Variants in ZNF624 observed in about 807,000 individuals in gnomAD.
ZNF624 encodes the protein zinc finger protein 624.
In ZNF624, 43 loss-of-function variants were observed where a neutral mutation model predicts 74.7. The ratio of observed to expected loss-of-function variants is 0.58; its 90% CI spans 0.45 to 0.74. ZNF624 has a LOEUF of 0.74. Among genes scored for constraint, ZNF624 ranks in the 30% least tolerant of loss-of-function variants. The pLI, the probability that ZNF624 is intolerant of heterozygous loss-of-function variation, is 0.00. For synonymous variants in ZNF624, 331 were observed against 341.3 expected (o/e 0.97, Z 0.33); for missense variants, 820 against 1,030.0 (o/e 0.80, Z 2.79).
At chr17:16,619,861 C>G (rs1297531957), downstream of ZNF624, among the ~76,000 whole-genome samples, 1 of 152,198 alleles carries the variant, frequency 6.6e-6, no homozygotes, top group Non-Finnish European at 1.5e-5. Context: ...AATGGAGGGA[C>G]CAACAAAGTT....
intron 3 of ZNF624, among the ~76,000 whole-genome samples, chr17:16,643,324 C>T (rs1251958929): frequency 6.6e-6 from 1 of 152,126 alleles, no homozygotes; most frequent in Non-Finnish European, 1.5e-5. Flanking sequence ...TATATCCATA[C>T]AACTGGAATA....
intron 3 of ZNF624, among the ~76,000 whole-genome samples, chr17:16,640,661 C>T (rs778143029): frequency 5.3e-5 from 8 of 152,188 alleles, no homozygotes; most frequent in South Asian, 2.1e-4. Flanking sequence ...TGGACAAATT[C>T]GTAGAAAGGC....
chr17:16,634,534 T>G (rs1277271420), intron 4 of ZNF624, 96 bp downstream of exon 4: 2 of 1,371,684 alleles, frequency 1.5e-6, no homozygotes, highest in Non-Finnish European at 9.9e-7. Flanking sequence ...GCCCCTAAAA[T>G]CAAGTACTTC....
At chr17:16,617,976 C>T, downstream of ZNF624, 1 of 713,690 alleles carries the variant, frequency 1.4e-6, no homozygotes, top group Admixed American at 2.2e-5. Flanking sequence ...AGAGCCCGAA[C>T]ACGCGCCTCA....
At chr17:16,628,124 A>G (rs1909116760) in intron 5 of ZNF624, among the ~76,000 whole-genome samples, 1 of 152,104 alleles carries the variant, frequency 6.6e-6, no homozygotes. Flanking sequence ...TTGGCCAGGC[A>G]TGGTGGTGCA....
At chr17:16,617,198 G>A (rs536967097), downstream of ZNF624, 26 of 1,612,518 alleles carry the variant, frequency 1.6e-5, no homozygotes, top group Non-Finnish European at 1.3e-5. Flanking sequence ...CCTTTGCTCC[G>A]CGACCTGGAA....
At chr17:16,648,532 G>T (rs1331723183) in intron 2 of ZNF624, among the ~76,000 whole-genome samples, 1 of 152,164 alleles carries the variant, frequency 6.6e-6, no homozygotes, top group African/African-American at 2.4e-5. Flanking sequence ...GTGATCAAGG[G>T]CAACATTTTG....
intron 3 of ZNF624, among the ~76,000 whole-genome samples, chr17:16,637,112 A>C (rs7211068): frequency 0.23 from 34,726 of 152,028 alleles, 4,373 homozygotes; most frequent in East Asian, 0.35. Context: ...GAGTGAACTC[A>C]CATTCACAAT....
chr17:16,625,515 G>A (rs1372153855), intron 5 of ZNF624, among the ~76,000 whole-genome samples: 6 of 152,114 alleles, frequency 3.9e-5, no homozygotes, highest in Non-Finnish European at 8.8e-5. Flanking sequence ...TGATTGACTA[G>A]CTTTGTTGTG....
rs1436633518 is a variant in ZNF624 at position 16,649,698 on chromosome 17, C to T, written c.47G>A (p.Gly16Glu). The T allele has an allele frequency of 3.7e-6, 6 of 1,614,058 alleles. No individual in the cohort carries two copies. Residue 16 changes from glycine (G) to glutamate (E), a missense_variant, in exon 2 of 6, where the codon GGA becomes GAA. Transcript: ENST00000311331. ...STLSREGKPE[G>E]EIMAAVFFSV... ...GAAAAACACAGCAGCCATAATCTCTCCCTCTGGTTTCCCCTCTCTGGAAAG... is the reference window on the plus strand; with the variant it reads ...GAAAAACACAGCAGCCATAATCTCTTCCTCTGGTTTCCCCTCTCTGGAAAG...
Position 16,649,663 on chromosome 17 carries a change from G to T in ZNF624, c.82C>A (p.Arg28Ser). 6.2e-7 allele frequency: 1 copy of T among 1,613,796 alleles called. No individual in the cohort carries two copies. The highest frequency in any genetic ancestry group is 1.1e-5 in the South Asian group (1 of 91,058). Residue 28 changes from arginine to serine, a missense_variant, in exon 2 of 6, where the codon CGC (arginine) becomes AGC (serine). Transcript: ENST00000311331. ...IMAAVFFSVGRLSPEVTQPDE... is the reference protein window; with the variant it reads ...IMAAVFFSVGSLSPEVTQPDE... ...AACAGGGAATCCCAACTTACCAGGCGTCCAACTGAGAAAAACACAGCAGCC... is the reference window on the plus strand; with the variant it reads ...AACAGGGAATCCCAACTTACCAGGCTTCCAACTGAGAAAAACACAGCAGCC...
chr17:16,644,033 G>C (rs540695026), intron 3 of ZNF624, among the ~76,000 whole-genome samples: 1 of 152,086 alleles, frequency 6.6e-6, no homozygotes, highest in Non-Finnish European at 1.5e-5. Context: ...CATGAAAGCT[G>C]GCTGTTAAAA....
At chr17:16,624,963 G>A (rs1909033689) in intron 5 of ZNF624, among the ~76,000 whole-genome samples, 1 of 149,598 alleles carries the variant, frequency 6.7e-6, no homozygotes, top group African/African-American at 2.5e-5. Context: ...CTTGATTCTA[G>A]GAGGTGGAGG....
At chr17:16,625,953 T>C (rs955860718) in intron 5 of ZNF624, among the ~76,000 whole-genome samples, 2 of 152,102 alleles carry the variant, frequency 1.3e-5, no homozygotes, top group Admixed American at 6.5e-5. Flanking sequence ...TGATTTTTTT[T>C]TTTTTTTAAT....
Position 16,624,373 on chromosome 17 carries a change from C to A in ZNF624, c.513G>T (p.Trp171Cys). 6.2e-7 allele frequency: 1 copy of A among 1,613,990 alleles called. No homozygotes were observed. Among genetic ancestry groups the A allele is most frequent in the Non-Finnish European group, 8.5e-7 (1 of 1,180,004 alleles). Residue 171 changes from tryptophan (W) to cysteine (C), a missense_variant, in exon 6 of 6, where the codon TGG (tryptophan) becomes TGT (cysteine). By Grantham distance (215) the Trp-to-Cys change is radical (BLOSUM62 -2). Coordinates refer to ENST00000311331, the MANE Select transcript of ZNF624 (RefSeq NM_020787.4). ...TTTGTAATCTCAATATCCTATCATTCCATTTCCATAACCCTTCCATTCTGG... is the reference window on the plus strand; with the variant it reads ...TTTGTAATCTCAATATCCTATCATTACATTTCCATAACCCTTCCATTCTGG... ...WDSRMEGLWK[W>C]NDRILRLQNN...
intron 5 of ZNF624, among the ~76,000 whole-genome samples, chr17:16,632,415 A>G (rs1004113320): frequency 5.3e-5 from 8 of 151,776 alleles, no homozygotes; most frequent in African/African-American, 1.7e-4. Flanking sequence ...TAAAACAAGT[A>G]TTTTTTCTTG....
At chr17:16,616,474 A>T (rs1462061204), downstream of ZNF624, among the ~76,000 whole-genome samples, 1 of 152,236 alleles carries the variant, frequency 6.6e-6, no homozygotes, top group Admixed American at 6.5e-5. Flanking sequence ...TTCAAAGCTC[A>T]AAACAGTTAA....
At chr17:16,617,734 C>T (rs570373049), downstream of ZNF624, 17 of 1,603,398 alleles carry the variant, frequency 1.1e-5, no homozygotes, top group South Asian at 1.4e-4. Flanking sequence ...TAAAGGGCGT[C>T]GTCGGTGTCG....
chr17:16,638,018 C>A (rs1231836150), intron 3 of ZNF624, among the ~76,000 whole-genome samples: 1 of 151,876 alleles, frequency 6.6e-6, no homozygotes, highest in Non-Finnish European at 1.5e-5. Flanking sequence ...AACAAATTTA[C>A]AAGAAAAAAA....
Sources: allele counts gnomAD v4.1 joint callset (sites outside exome capture counted in the v4.1 genomes callset), GRCh38; gene constraint gnomAD v4.1.1; transcripts MANE v1.5; gene names NCBI Gene and HGNC (gene_info 2026-07-23, HGNC 2026-07-21).